SKIC3: variants seen among roughly 807,000 people sequenced by gnomAD.
SKIC3 encodes the protein superkiller complex protein 3.
chr5:95,510,590 C>G, the SKIC3 span, among the ~76,000 whole-genome samples: 1 of 152,138 alleles, frequency 6.6e-6, no homozygotes, highest in African/African-American at 2.4e-5. Context: ...TTGTGGCCCC[C>G]ACCCAGGAAC....
the SKIC3 span, among the ~76,000 whole-genome samples, chr5:95,487,179 C>T: frequency 6.6e-6 from 1 of 152,186 alleles, no homozygotes; most frequent in Non-Finnish European, 1.5e-5. Flanking sequence ...TTCCTGCCCT[C>T]AAACATCAGA....
the SKIC3 span, among the ~76,000 whole-genome samples, chr5:95,516,164 G>A: frequency 6.6e-6 from 1 of 152,010 alleles, no homozygotes; most frequent in Non-Finnish European, 1.5e-5. Context: ...TCATAAAAAG[G>A]AAAATAAATC....
At chr5:95,467,880 A>G in the SKIC3 span, 1 of 1,613,646 alleles carries the variant, frequency 6.2e-7, no homozygotes, top group Non-Finnish European at 8.5e-7. Context: ...ATAAGCTCAT[A>G]GTCATCTTTG....
the SKIC3 span, among the ~76,000 whole-genome samples, chr5:95,489,730 C>T: frequency 3.9e-5 from 6 of 152,108 alleles, no homozygotes; most frequent in Admixed American, 3.9e-4. Flanking sequence ...CTTCAAACAC[C>T]TATAGTCTAA....
chr5:95,482,170 C>A, the SKIC3 span, among the ~76,000 whole-genome samples: 1 of 152,044 alleles, frequency 6.6e-6, no homozygotes. Context: ...ATTATGATAC[C>A]CTTATTATAA....
At chr5:95,471,280 T>C in the SKIC3 span, among the ~76,000 whole-genome samples, 3 of 152,182 alleles carry the variant, frequency 2.0e-5, no homozygotes, top group African/African-American at 4.8e-5. Context: ...TAATATACTC[T>C]CTAAATTCTA....
chr5:95,512,734 A>G, the SKIC3 span: 1 of 1,213,546 alleles, frequency 8.2e-7, no homozygotes, highest in Non-Finnish European at 1.2e-6. Flanking sequence ...AGTGTTCTTT[A>G]AGTCAATTGT....
At chr5:95,494,899 CTAT>C in the SKIC3 span, 1 of 1,595,518 alleles carries the variant, frequency 6.3e-7, no homozygotes, top group Admixed American at 1.7e-5. Flanking sequence ...ACTATGAAAA[CTAT>C]TATTCCTTCA....
chr5:95,485,240 T>C, the SKIC3 span, among the ~76,000 whole-genome samples: 5 of 152,178 alleles, frequency 3.3e-5, no homozygotes, highest in African/African-American at 1.2e-4. Context: ...TTCAGCATTA[T>C]CAAAATTTTC....
the SKIC3 span, chr5:95,528,771 A>G: frequency 1.9e-6 from 1 of 518,200 alleles, no homozygotes; most frequent in Non-Finnish European, 3.5e-6. Context: ...GACTATGTCA[A>G]TATTCCAAAT....
chr5:95,536,813 T>A, the SKIC3 span: 1 of 1,602,394 alleles, frequency 6.2e-7, no homozygotes, highest in Admixed American at 1.7e-5. Context: ...AAGGAAGAAA[T>A]TACCTGATTC....
the SKIC3 span, among the ~76,000 whole-genome samples, chr5:95,493,276 T>C: frequency 1.3e-5 from 2 of 152,218 alleles, no homozygotes; most frequent in Admixed American, 6.5e-5. Flanking sequence ...ACTCAGTCAC[T>C]GTTTTAGCAT....
the SKIC3 span, chr5:95,469,790 T>C: frequency 6.2e-7 from 1 of 1,614,040 alleles, no homozygotes; most frequent in Non-Finnish European, 8.5e-7. Context: ...CTTGCCCCCA[T>C]TTTGCGTTTG....
chr5:95,470,214 G>A, the SKIC3 span, among the ~76,000 whole-genome samples: 20 of 152,014 alleles, frequency 1.3e-4, no homozygotes, highest in Non-Finnish European at 2.8e-4. Context: ...TCCTGACCTC[G>A]TGATCCGCCC....
the SKIC3 span, among the ~76,000 whole-genome samples, chr5:95,535,365 C>T: frequency 4.5e-3 from 611 of 134,406 alleles, 4 homozygotes; most frequent in South Asian, 0.036. Flanking sequence ...GGCCGGAGTG[C>T]AGTGGCGCTA....
At chr5:95,496,946 G>A in the SKIC3 span, among the ~76,000 whole-genome samples, 1 of 152,084 alleles carries the variant, frequency 6.6e-6, no homozygotes, top group African/African-American at 2.4e-5. Flanking sequence ...CTAAAATATA[G>A]TATATAATCC....
the SKIC3 span, among the ~76,000 whole-genome samples, chr5:95,545,174 G>A: frequency 2.0e-5 from 3 of 152,112 alleles, no homozygotes; most frequent in Non-Finnish European, 2.9e-5. Context: ...TAACTGAAAC[G>A]TGCATCAATT....
At chr5:95,494,100 C>T in the SKIC3 span, among the ~76,000 whole-genome samples, 1 of 152,076 alleles carries the variant, frequency 6.6e-6, no homozygotes, top group African/African-American at 2.4e-5. Context: ...ATAGGTAAAA[C>T]TCTTTAAACC....
At chr5:95,507,088 G>C in the SKIC3 span, 423 of 1,357,468 alleles carry the variant, frequency 3.1e-4, no homozygotes, top group African/African-American at 5.0e-3. Context: ...TGAATCCACA[G>C]ATTTTTGTTC....
Sources: gnomAD v4.1 joint callset for allele counts (sites outside exome capture counted in the v4.1 genomes callset) on GRCh38, gnomAD v4.1.1 for gene constraint, MANE v1.5 for transcripts, NCBI Gene and HGNC (gene_info 2026-07-23, HGNC 2026-07-21) for gene names.